Variants in TSHZ2 observed in about 807,000 individuals in gnomAD.
TSHZ2 encodes teashirt homolog 2.
A neutral mutation model predicts 74.4 loss-of-function variants in TSHZ2; 21 were observed. The observed-to-expected ratio is 0.28, with a 90% CI of 0.20 to 0.41. The LOEUF (loss-of-function observed/expected upper bound fraction) is 0.41. Among genes scored for constraint, TSHZ2 ranks in the 10% least tolerant of loss-of-function variants. TSHZ2 has a pLI of 1.00. For missense variants in TSHZ2, 1,244 were observed against 1,293.5 expected, an observed-to-expected ratio of 0.96 and a Z score of 0.59; for synonymous variants, 540 against 515.3, an observed-to-expected ratio of 1.05 and a Z score of -0.65.
chr20:53,431,065 A>T (rs929385863), intron 2 of TSHZ2, among the ~76,000 whole-genome samples: 3 of 152,070 alleles, frequency 2.0e-5, no homozygotes, highest in African/African-American at 4.8e-5. Context: ...TTTTTAATTC[A>T]CATTTTACGA....
chr20:53,470,905 T>G (rs1985779669), intron 2 of TSHZ2, among the ~76,000 whole-genome samples: 1 of 152,220 alleles, frequency 6.6e-6, no homozygotes, highest in Non-Finnish European at 1.5e-5. Context: ...AGGAGTCATG[T>G]GTCCTGACCT....
In TSHZ2 at chr20:53,050,300, A is replaced by C. The variant is rs116915959; in HGVS notation, c.40+76967A>C. On this transcript the variant is annotated intron_variant, in intron 1 of 2. Transcript: ENST00000371497. ...TTACTACCGCTGCCGATTTACTCTC[A>C]CTGTTGCTAACCAAAGAGCAGAGTT... is the stretch of plus-strand genomic sequence containing the variant. Among the ~76,000 whole-genome samples, 697 of 151,754 alleles carry C rather than the reference A, an allele frequency of 4.6e-3. 3 individuals carry two copies. Among genetic ancestry groups the C allele is most frequent in the Admixed American group, 7.2e-3 (109 of 15,232 alleles).
At chr20:53,125,194 G>A (rs969033613) in intron 1 of TSHZ2, among the ~76,000 whole-genome samples, 2 of 152,212 alleles carry the variant, frequency 1.3e-5, no homozygotes, top group Admixed American at 1.3e-4. Flanking sequence ...GAAAGTTCTT[G>A]TTTATATTAT....
intron 1 of TSHZ2, among the ~76,000 whole-genome samples, chr20:53,104,328 C>T (rs536467827): frequency 5.2e-4 from 79 of 152,124 alleles, no homozygotes; most frequent in African/African-American, 1.8e-3. Flanking sequence ...GGAGGAGTGG[C>T]GAAAGAGAGG....
intron 2 of TSHZ2, among the ~76,000 whole-genome samples, chr20:53,344,160 G>A (rs1032040978): frequency 1.3e-5 from 2 of 152,110 alleles, no homozygotes; most frequent in South Asian, 2.1e-4. Context: ...AAGCTTCCAG[G>A]TACTTCCCAG....
chr20:53,223,769 G>C (rs993851121), intron 1 of TSHZ2, among the ~76,000 whole-genome samples: 2 of 152,182 alleles, frequency 1.3e-5, no homozygotes, highest in Admixed American at 1.3e-4. Flanking sequence ...CTAAGGGAAA[G>C]AAAGGGGGAG....
intron 1 of TSHZ2, among the ~76,000 whole-genome samples, chr20:53,192,306 A>AC (rs1568804508): frequency 1.3e-5 from 2 of 151,342 alleles, no homozygotes; most frequent in African/African-American, 2.4e-5. Context: ...AAAAAAAAAA[A>AC]ACAAAAAAAC....
At chr20:53,210,721 T>TGG (rs202176609) in intron 1 of TSHZ2, among the ~76,000 whole-genome samples, 77 of 151,974 alleles carry the variant, frequency 5.1e-4, no homozygotes, top group African/African-American at 1.8e-3. Context: ...TCAGGCTTGA[T>TGG]GGGGGGGCTC....
At chr20:53,469,092 T>TGTATA (rs1338859854) in intron 2 of TSHZ2, among the ~76,000 whole-genome samples, 1 of 136,508 alleles carries the variant, frequency 7.3e-6, no homozygotes, top group Non-Finnish European at 1.6e-5. Flanking sequence ...TATGTACATA[T>TGTATA]TCTAATTGAA....
intron 2 of TSHZ2, among the ~76,000 whole-genome samples, chr20:53,427,843 G>A (rs1353848784): frequency 2.6e-5 from 4 of 152,152 alleles, no homozygotes; most frequent in African/African-American, 2.4e-5. Flanking sequence ...TTAAGAAAGG[G>A]ATGGAAGGCC....
chr20:52,998,411 C>T (rs1213334258), intron 1 of TSHZ2, among the ~76,000 whole-genome samples: 1 of 152,312 alleles, frequency 6.6e-6, no homozygotes, highest in East Asian at 1.9e-4. Flanking sequence ...TCAAGTGATC[C>T]ACCCGCCTTG....
At chr20:53,232,484 TCAAA>T (rs1405546642) in intron 1 of TSHZ2, among the ~76,000 whole-genome samples, 1 of 152,226 alleles carries the variant, frequency 6.6e-6, no homozygotes, top group Admixed American at 6.5e-5. Flanking sequence ...CTGATTTTAC[TCAAA>T]CAAAACATTC....
At chr20:53,223,567 AT>A (rs1164240404) in intron 1 of TSHZ2, among the ~76,000 whole-genome samples, 3 of 151,932 alleles carry the variant, frequency 2.0e-5, no homozygotes, top group African/African-American at 7.3e-5. Context: ...ATTTTTTAAA[AT>A]TTCTTTTTGT....
chr20:53,444,215 T>G (rs1568920066), intron 2 of TSHZ2, among the ~76,000 whole-genome samples: 1 of 152,220 alleles, frequency 6.6e-6, no homozygotes, highest in Non-Finnish European at 1.5e-5. Context: ...GAGCTCTGTT[T>G]GCTGATTAGT....
chr20:53,469,598 ACCC>A (rs1568931844), intron 2 of TSHZ2, among the ~76,000 whole-genome samples: 27 of 61,758 alleles, frequency 4.4e-4, no homozygotes, highest in African/African-American at 9.4e-4. Context: ...GGAAGGAAGG[ACCC>A]AAGAAAGATA....
intron 1 of TSHZ2, among the ~76,000 whole-genome samples, chr20:53,069,779 GTGGGTT>G (rs1985114289): frequency 6.6e-6 from 1 of 151,842 alleles, no homozygotes; most frequent in East Asian, 1.9e-4. Context: ...CATTAATACA[GTGGGTT>G]TGACAGTTGG....
chr20:53,331,774 G>A (rs1055665218), intron 2 of TSHZ2, among the ~76,000 whole-genome samples: 1 of 152,134 alleles, frequency 6.6e-6, no homozygotes, highest in African/African-American at 2.4e-5. Flanking sequence ...CCTGGGTGGA[G>A]TCGGGGCATG....
At chr20:53,431,361 C>A (rs1213363381) in intron 2 of TSHZ2, among the ~76,000 whole-genome samples, 3 of 151,464 alleles carry the variant, frequency 2.0e-5, no homozygotes, top group African/African-American at 7.3e-5. Flanking sequence ...GAGGCAGAGG[C>A]AGGAGGATCA....
intron 1 of TSHZ2, among the ~76,000 whole-genome samples, chr20:53,036,744 A>G (rs997001018): frequency 6.8e-6 from 1 of 147,962 alleles, no homozygotes; most frequent in Non-Finnish European, 1.5e-5. Flanking sequence ...TATATATTAT[A>G]TAATTATATA....
Sources: gnomAD v4.1 joint callset for allele counts (sites outside exome capture counted in the v4.1 genomes callset) on GRCh38, gnomAD v4.1.1 for gene constraint, MANE v1.5 for transcripts, NCBI Gene and HGNC (gene_info 2026-07-23, HGNC 2026-07-21) for gene names.